ADAMTS9: variants seen among roughly 807,000 people sequenced by gnomAD.
The protein encoded by ADAMTS9 is ADAM metallopeptidase with thrombospondin type 1 motif 9, also known as A disintegrin and metalloproteinase with thrombospondin motifs 9.
A neutral mutation model predicts 257.1 loss-of-function variants in ADAMTS9; 107 were observed. The observed-to-expected ratio is 0.42, with a 90% CI of 0.36 to 0.49. The LOEUF (loss-of-function observed/expected upper bound fraction) is 0.49. Among genes scored for constraint, ADAMTS9 ranks in the 20% least tolerant of loss-of-function variants. ADAMTS9 has a pLI of 0.03. For missense variants in ADAMTS9, 2,353 were observed against 2,469.1 expected (o/e 0.95, Z 1.00); for synonymous variants, 982 against 880.9 (o/e 1.11, Z -2.03).
intron 10 of ADAMTS9, among the ~76,000 whole-genome samples, chr3:64,649,113 A>G (rs1700868531): frequency 6.6e-6 from 1 of 152,176 alleles, no homozygotes; most frequent in Non-Finnish European, 1.5e-5. Flanking sequence ...CAACACATGC[A>G]GCAAAACTAT....
intron 28 of ADAMTS9, chr3:64,589,682 C>G (rs1414502555): frequency 6.6e-6 from 1 of 152,106 alleles, no homozygotes; most frequent in Non-Finnish European, 1.5e-5. Flanking sequence ...GGTCCTTTCA[C>G]CCATGAATAC....
At chr3:64,527,000 C>T (rs1222214309) in intron 38 of ADAMTS9, among the ~76,000 whole-genome samples, 1 of 152,094 alleles carries the variant, frequency 6.6e-6, no homozygotes, top group East Asian at 1.9e-4. Flanking sequence ...ACCATTATTG[C>T]TATCTCCTTA....
intron 11 of ADAMTS9, among the ~76,000 whole-genome samples, chr3:64,643,445 A>ATTTTTTTTTTTTT (rs57471985): frequency 0.029 from 1,769 of 61,430 alleles, 274 homozygotes; most frequent in African/African-American, 0.033. Context: ...TTACTCAATA[A>ATTTTTTTTTTTTT]TTTTTTTTTT....
chr3:64,537,832 A>G (rs146969570), intron 37 of ADAMTS9, among the ~76,000 whole-genome samples: 141 of 152,336 alleles, frequency 9.3e-4, no homozygotes, highest in African/African-American at 3.2e-3. Flanking sequence ...CACTGAGTTC[A>G]TTATGTTTGT....
rs144064735 is a variant in ADAMTS9 at position 64,558,304 on chromosome 3, C to T, written c.4698+3274G>A. ...CATTGATAAATTAACCTACCTAAGC[C>T]GCAAGTTGCCCCTATTAAATGAGGA... On this transcript the variant is annotated intron_variant, in intron 30 of 39. Coordinates refer to ENST00000498707, the MANE Select transcript of ADAMTS9 (RefSeq NM_182920.2). Among the ~76,000 whole-genome samples the T allele has an allele frequency of 3.2e-4, 48 of 152,242 alleles. 1 individual carries two copies. In the East Asian group the frequency reaches 9.3e-3, roughly 29 times the overall value.
At chr3:64,681,880 G>T (rs1266613717) in intron 2 of ADAMTS9, among the ~76,000 whole-genome samples, 1 of 152,152 alleles carries the variant, frequency 6.6e-6, no homozygotes, top group Non-Finnish European at 1.5e-5. Flanking sequence ...TAGAGCTCAA[G>T]TTCCAATCAT....
intron 32 of ADAMTS9, among the ~76,000 whole-genome samples, chr3:64,544,808 A>T (rs2083175082): frequency 6.6e-6 from 1 of 152,216 alleles, no homozygotes; most frequent in Non-Finnish European, 1.5e-5. Context: ...AAAAGAAACT[A>T]CCATCAGAGT....
chr3:64,527,827 G>C lies in ADAMTS9; in HGVS notation c.5718+5339C>G, dbSNP rs562158633. Among the ~76,000 whole-genome samples, 4 of 152,242 alleles carry C rather than the reference G, an allele frequency of 2.6e-5. No homozygotes were observed. In the East Asian group the frequency reaches 5.8e-4, roughly 22 times the overall value. On this transcript the variant is annotated intron_variant, in intron 38 of 39. Transcript: ENST00000498707. ...GATTTTTACACTTGGTGGATAGTTG[G>C]ATTTTCATAAGCTGACAGCAAGTTC...
intron 28 of ADAMTS9, among the ~76,000 whole-genome samples, chr3:64,582,201 A>G (rs1441600958): frequency 6.6e-6 from 1 of 152,168 alleles, no homozygotes; most frequent in Non-Finnish European, 1.5e-5. Context: ...AGTGGAAAAG[A>G]GGAGGTGCGA....
intron 38 of ADAMTS9, among the ~76,000 whole-genome samples, chr3:64,527,981 T>A (rs2082930524): frequency 6.6e-6 from 1 of 152,198 alleles, no homozygotes; most frequent in Non-Finnish European, 1.5e-5. Context: ...ACTGAATCCA[T>A]CTCTTCTATG....
chr3:64,522,244 A>G lies in ADAMTS9; in HGVS notation c.5735T>C (p.Val1912Ala). The G allele has an allele frequency of 6.2e-7, 1 of 1,613,994 alleles. No individual in the cohort carries two copies. Among genetic ancestry groups the G allele is most frequent in the Non-Finnish European group, 8.5e-7 (1 of 1,179,914 alleles). ...IKKSPDGTRV[V>A]GKCGGYCGKC... Reference sequence around the variant, plus strand: ...TCCACAGTAACCACCGCATTTCCCTACGACTCGGGTACCATCCTGCAAGGA... The same window carrying G: ...TCCACAGTAACCACCGCATTTCCCTGCGACTCGGGTACCATCCTGCAAGGA... The change falls in exon 39 of 40, where the codon GTA becomes GCA. Residue 1912 changes from valine (V) to alanine (A), a missense_variant. Transcript: ENST00000498707.
intron 20 of ADAMTS9, 46 bp downstream of exon 20, chr3:64,615,914 A>T: frequency 6.2e-7 from 1 of 1,607,952 alleles, no homozygotes; most frequent in Non-Finnish European, 8.5e-7. Context: ...ACCATCAACT[A>T]ATCAGACAGC....
chr3:64,559,126 G>A (rs1430559806), intron 30 of ADAMTS9, among the ~76,000 whole-genome samples: 4 of 152,148 alleles, frequency 2.6e-5, no homozygotes, highest in Non-Finnish European at 4.4e-5. Flanking sequence ...ATAATTACAT[G>A]AGGACTACCC....
intron 3 of ADAMTS9, among the ~76,000 whole-genome samples, chr3:64,675,491 T>C (rs1354236926): frequency 1.3e-5 from 2 of 152,124 alleles, no homozygotes; most frequent in African/African-American, 4.8e-5. Flanking sequence ...TGGTGGCATA[T>C]GTCTTTAGTT....
In ADAMTS9 at chr3:64,607,093, G is replaced by A. The variant is rs750443083; in HGVS notation, c.3355-14C>T. ...AGTGACACTGCACTGGAAGAAGGAG[G>A]ACAAAAGGTATATACAATTCAGCAA... On this transcript the variant is annotated splice_polypyrimidine_tract_variant and intron_variant, in intron 22 of 39. Transcript: ENST00000498707. The A allele has an allele frequency of 1.9e-6, 3 of 1,612,946 alleles. No individual in the cohort carries two copies. Among genetic ancestry groups the A allele is most frequent in the Non-Finnish European group, 2.5e-6 (3 of 1,179,546 alleles).
chr3:64,651,247 T>C (rs577765234), intron 8 of ADAMTS9, 84 bp from the exon 9 acceptor site: 1,210 of 1,263,492 alleles, frequency 9.6e-4, no homozygotes, highest in Non-Finnish European at 1.2e-3. Context: ...TGCAACTATC[T>C]AAGAGAAAAA....
At chr3:64,557,116 C>T (rs1194517836) in intron 30 of ADAMTS9, among the ~76,000 whole-genome samples, 1 of 152,014 alleles carries the variant, frequency 6.6e-6, no homozygotes, top group Non-Finnish European at 1.5e-5. Flanking sequence ...GCAAAGGCTT[C>T]TGAGAGGAAG....
chr3:64,517,416 G>GTTTTTTTTTTTTT lies in ADAMTS9; in HGVS notation c.*6-308_*6-296dup, dbSNP rs755480110. 1.9e-3 allele frequency among the ~76,000 whole-genome samples: 98 copies of GTTTTTTTTTTTTT among 52,664 alleles called. 29 individuals are homozygous for GTTTTTTTTTTTTT. Among genetic ancestry groups the GTTTTTTTTTTTTT allele is most frequent in the South Asian group, 3.1e-3 (2 of 648 alleles). The allele number at this position is 52,664 out of a possible 152,430, so 34.5% of individuals were successfully genotyped here. On this transcript the variant is annotated intron_variant, in intron 39 of 39. Coordinates refer to ENST00000498707, the MANE Select transcript of ADAMTS9 (RefSeq NM_182920.2). ...CATCAAGCCCAGCTAATTAAAAATG[G>GTTTTTTTTTTTTT]TTTTTTTTTTTTTTTTTTTTTTTGC... is the stretch of plus-strand genomic sequence containing the variant.
chr3:64,606,570 T>G (rs2084559821), intron 23 of ADAMTS9, among the ~76,000 whole-genome samples: 2 of 152,230 alleles, frequency 1.3e-5, no homozygotes, highest in Admixed American at 1.3e-4. Flanking sequence ...TTTGCAAAAC[T>G]CCTGCAAAAT....
Sources: allele counts gnomAD v4.1 joint callset (sites outside exome capture counted in the v4.1 genomes callset), GRCh38; gene constraint gnomAD v4.1.1; transcripts MANE v1.5; gene names NCBI Gene and HGNC (gene_info 2026-07-23, HGNC 2026-07-21).